The following RFX7 variants were observed in gnomAD, a reference collection of about 807,000 sequenced individuals.
The protein encoded by RFX7 is DNA-binding protein RFX7.
RFX7 carries 26 observed loss-of-function variants against 111.8 expected under a neutral mutation model. The ratio of observed to expected loss-of-function variants is 0.23; its 90% CI spans 0.17 to 0.32. RFX7 has a LOEUF of 0.32. RFX7 is among the 10% of genes least tolerant of loss of function. RFX7 has a pLI of 1.00. For synonymous variants in RFX7, 624 were observed against 624.4 expected, an observed-to-expected ratio of 1.00 and a Z score of 0.01; for missense variants, 1,573 against 1,772.9, an observed-to-expected ratio of 0.89 and a Z score of 2.02.
chr15:56,192,071 A>T (rs1260621724), intron 2 of RFX7, among the ~76,000 whole-genome samples: 1 of 152,184 alleles, frequency 6.6e-6, no homozygotes, highest in African/African-American at 2.4e-5. Context: ...CTTTACAAAA[A>T]TGACAGCATT....
chr15:56,194,885 C>T (rs1016646069), intron 2 of RFX7, among the ~76,000 whole-genome samples: 1 of 151,964 alleles, frequency 6.6e-6, no homozygotes, highest in Non-Finnish European at 1.5e-5. Context: ...CAGAGAATTA[C>T]CACTTGACCT....
chr15:56,133,936 A>G (rs1445768493), intron 5 of RFX7, among the ~76,000 whole-genome samples: 1 of 152,178 alleles, frequency 6.6e-6, no homozygotes, highest in Non-Finnish European at 1.5e-5. Flanking sequence ...GTCTCTTACA[A>G]TAACCATATT....
rs1426275854 is a variant in RFX7 at position 56,090,609 on chromosome 15, G to C, written c.*2736C>G. The C allele has an allele frequency of 2.0e-5, 3 of 152,526 alleles. No homozygotes were observed. The highest frequency in any genetic ancestry group is 4.4e-5 in the Non-Finnish European group (3 of 67,992). 9.4% of individuals were successfully genotyped at this position (152,526 alleles called of 1,614,324 possible). Reference sequence around the variant, plus strand: ...ATTTTTGAGCACTTTAATAAAAAAAGAGAACTGAAATGCTACCGCAATATT... The same window carrying C: ...ATTTTTGAGCACTTTAATAAAAAAACAGAACTGAAATGCTACCGCAATATT... On this transcript the variant is annotated 3_prime_UTR_variant, in exon 10 of 10. Transcript: ENST00000559447.
intron 3 of RFX7, among the ~76,000 whole-genome samples, chr15:56,158,737 G>A (rs2042684207): frequency 6.6e-6 from 1 of 152,060 alleles, no homozygotes; most frequent in South Asian, 2.1e-4. Context: ...TGGTACAATT[G>A]CTTGAGCCCA....
chr15:56,123,060 C>T (rs368375182), intron 5 of RFX7, among the ~76,000 whole-genome samples: 12 of 152,160 alleles, frequency 7.9e-5, no homozygotes, highest in Admixed American at 2.0e-4. Context: ...CCCACTGTGG[C>T]TGGGCTGGCA....
chr15:56,135,605 A>G (rs2042289311), intron 5 of RFX7, among the ~76,000 whole-genome samples: 1 of 151,740 alleles, frequency 6.6e-6, no homozygotes, highest in Non-Finnish European at 1.5e-5. Context: ...GCTGTGCAGA[A>G]GCTCTTTAGT....
At chr15:56,158,002 A>G (rs1426250017) in intron 3 of RFX7, among the ~76,000 whole-genome samples, 8 of 152,228 alleles carry the variant, frequency 5.3e-5, no homozygotes, top group Non-Finnish European at 7.3e-5. Context: ...AGAGTAATAA[A>G]AGTAGCTTTG....
chr15:56,173,777 G>C (rs2042872052), intron 3 of RFX7, among the ~76,000 whole-genome samples: 1 of 151,568 alleles, frequency 6.6e-6, no homozygotes, highest in African/African-American at 2.4e-5. Context: ...CGGACAACAA[G>C]AGTGAAACTC....
chr15:56,103,360 A>ATTAT (rs1330893086), intron 6 of RFX7, among the ~76,000 whole-genome samples, 194 bp downstream of exon 6: 8 of 152,306 alleles, frequency 5.3e-5, no homozygotes, highest in African/African-American at 1.9e-4. Context: ...TGAATAAACC[A>ATTAT]TTATTTGCTA....
At chr15:56,107,894 A>C (rs1456190433) in intron 5 of RFX7, among the ~76,000 whole-genome samples, 1 of 152,256 alleles carries the variant, frequency 6.6e-6, no homozygotes, top group African/African-American at 2.4e-5. Flanking sequence ...GATCCCACAG[A>C]AATACAACTA....
chr15:56,112,343 T>C (rs1322118493), intron 5 of RFX7, among the ~76,000 whole-genome samples: 2 of 145,078 alleles, frequency 1.4e-5, no homozygotes, highest in African/African-American at 5.1e-5. Flanking sequence ...GACCAGAATT[T>C]ATTTGGAACA....
intron 2 of RFX7, among the ~76,000 whole-genome samples, chr15:56,234,123 T>A (rs2043597655): frequency 6.6e-6 from 1 of 152,240 alleles, no homozygotes; most frequent in African/African-American, 2.4e-5. Flanking sequence ...GTAAAAATAT[T>A]ATGTCCTCAC....
rs1373714338 is a variant in RFX7, at chr15:56,190,611, AAT to A, written c.162-11310_162-11309del. On this transcript the variant is annotated intron_variant, in intron 2 of 9. Coordinates refer to ENST00000559447, the MANE Select transcript of RFX7 (RefSeq NM_022841.7). ...TCCCTAATAAAGCAGTTCTTAAAAA[AAT>A]ATGATTCCTGGACTAACGGTATCAG... Among the ~76,000 whole-genome samples the A allele has an allele frequency of 1.4e-4, 22 of 152,228 alleles. 1 individual carries two copies. Among genetic ancestry groups the A allele is most frequent in the Middle Eastern group, 6.3e-3 (2 of 316 alleles).
In RFX7 at chr15:56,204,648, C is replaced by T. The variant is rs2043232928; in HGVS notation, c.162-25345G>A. 2.0e-5 allele frequency among the ~76,000 whole-genome samples: 3 copies of T among 152,012 alleles called. No homozygotes were observed. The South Asian group carries it at 6.2e-4, about 32-fold the overall frequency. ...AACACCTTTTTGATTTGATCAAAAC[C>T]AAAAGGTAATGATCTATGGAGCTAT... On this transcript the variant is annotated intron_variant, in intron 2 of 9. Transcript: ENST00000559447.
At chr15:56,108,339 A>T (rs185160664) in intron 5 of RFX7, among the ~76,000 whole-genome samples, 1 of 152,278 alleles carries the variant, frequency 6.6e-6, no homozygotes, top group Admixed American at 6.5e-5. Context: ...GCATATCAAA[A>T]AGCTTATCCA....
intron 2 of RFX7, among the ~76,000 whole-genome samples, chr15:56,238,577 T>G (rs1446011021): frequency 6.6e-6 from 1 of 152,198 alleles, no homozygotes; most frequent in East Asian, 1.9e-4. Flanking sequence ...GGCAAAACGA[T>G]AGATCTTATA....
intron 2 of RFX7, among the ~76,000 whole-genome samples, chr15:56,191,998 T>C (rs946662521): frequency 5.3e-5 from 8 of 152,122 alleles, no homozygotes; most frequent in African/African-American, 1.9e-4. Context: ...GAACACAATA[T>C]ACTCTCACTC....
rs78072244 is a variant in RFX7 at position 56,217,304 on chromosome 15, T to C, written c.161+25821A>G. Reference sequence around the variant, plus strand: ...AAACATTAACAATAATTCCACAATATATCATGCAGTCCACTTTCGCATTTT... The same window carrying C: ...AAACATTAACAATAATTCCACAATACATCATGCAGTCCACTTTCGCATTTT... On this transcript the variant is annotated intron_variant, in intron 2 of 9. Coordinates refer to ENST00000559447, the MANE Select transcript of RFX7 (RefSeq NM_022841.7). Among the ~76,000 whole-genome samples, 2,416 of 152,256 alleles carry C rather than the reference T, an allele frequency of 0.016. 146 individuals carry two copies. In the East Asian group the frequency reaches 0.24, roughly 15 times the overall value.
intron 5 of RFX7, among the ~76,000 whole-genome samples, chr15:56,134,599 TTTTTTTTTTTTTTA>T: frequency 6.6e-5 from 3 of 45,582 alleles, no homozygotes; most frequent in African/African-American, 1.9e-4. Flanking sequence ...TCACTTTCTT[TTTTTTTTTTTTTTA>T]CTTTCTTTTT....
Sources: allele counts gnomAD v4.1 joint callset (sites outside exome capture counted in the v4.1 genomes callset), GRCh38; gene constraint gnomAD v4.1.1; transcripts MANE v1.5; gene names NCBI Gene and HGNC (gene_info 2026-07-23, HGNC 2026-07-21).